ZNF121: variants seen among roughly 807,000 people sequenced by gnomAD.
ZNF121 encodes the protein zinc finger protein 121 (clone ZHC32).
A neutral mutation model predicts 2.4 loss-of-function variants in ZNF121; 1 was observed. The ratio of observed to expected loss-of-function variants is 0.41; its 90% confidence interval spans 0.15 to 1.94. The LOEUF is 1.94. Among genes scored for constraint, ZNF121 ranks in the 30% most tolerant of loss-of-function variants. The probability of loss-of-function intolerance (pLI) is 0.30; values close to 1 mark genes in which losing one functional copy is unlikely to be tolerated. For missense variants in ZNF121, 369 were observed against 466.3 expected (o/e 0.79, Z 1.92); for synonymous variants, 173 against 158.6 (o/e 1.09, Z -0.68).
chr19:9,582,194 G>A (rs2074252501), intron 1 of ZNF121, among the ~76,000 whole-genome samples: 1 of 152,194 alleles, frequency 6.6e-6, no homozygotes, highest in African/African-American at 2.4e-5. Flanking sequence ...CTGTGTCCCA[G>A]CTACTAGGTG....
intron 3 of ZNF121, 39 bp downstream of exon 3, chr19:9,568,056 C>CT (rs35536068): frequency 1.3e-6 from 2 of 1,532,196 alleles, no homozygotes; most frequent in South Asian, 1.2e-5. Flanking sequence ...GAATCCCAAT[C>CT]TTTTTTTGAG....
At chr19:9,577,658 C>T (rs927456303) in intron 1 of ZNF121, among the ~76,000 whole-genome samples, 3 of 151,970 alleles carry the variant, frequency 2.0e-5, no homozygotes, top group Admixed American at 6.6e-5. Flanking sequence ...TCTCAAAATA[C>T]CAGTGAAATT....
In ZNF121 at chr19:9,567,020, T is replaced by A. The variant is rs759583899; in HGVS notation, c.93A>T (p.Gly31=). ...SEHSCLNAHM[G]TENTGDTYDC... ...CATAAGTGTCCCCTGTATTTTCAGT[T>A]CCCATGTGTGCATTAAGGCATGAGT... The change falls in exon 4 of 4, where the codon GGA becomes GGT. Residue 31 remains glycine (G), a synonymous_variant. Transcript: ENST00000320451. The A allele has an allele frequency of 1.1e-5, 17 of 1,614,004 alleles. No individual in the cohort carries two copies. In the Admixed American group the frequency reaches 2.8e-4, roughly 27 times the overall value.
At chr19:9,577,522 A>AAAT in intron 1 of ZNF121, among the ~76,000 whole-genome samples, 1 of 152,244 alleles carries the variant, frequency 6.6e-6, no homozygotes, top group South Asian at 2.1e-4. Flanking sequence ...GGAAAACTAT[A>AAAT]AAACACTGAT....
intron 1 of ZNF121, among the ~76,000 whole-genome samples, chr19:9,570,481 G>C (rs1599737265): frequency 1.3e-5 from 2 of 152,232 alleles, no homozygotes; most frequent in South Asian, 4.1e-4. Context: ...CGTAATCCTT[G>C]AAAAGCTCTG....
rs1385050029 is a variant in ZNF121 at position 9,565,481 on chromosome 19, C to G, written c.*459G>C. On this transcript the variant is annotated 3_prime_UTR_variant, in exon 4 of 4. Coordinates refer to ENST00000320451, the MANE Select transcript of ZNF121 (RefSeq NM_001008727.5). ...GGTCAGGAGCTCGAGACCAGCCTGG[C>G]CAACATGGTGAAACCCCATCTCTAC... The G allele has an allele frequency of 6.7e-6, 1 of 150,176 alleles. No individual in the cohort carries two copies. 9.3% of individuals were successfully genotyped at this position (150,176 alleles called of 1,614,324 possible). A position where few individuals can be genotyped will look rare whatever the true frequency, so the allele number is the denominator to read the frequency against.
rs574911072 is a variant in ZNF121, at chr19:9,581,340, C to G, written c.-160+3121G>C. Reference sequence around the variant, plus strand: ...CTTTCCCTATTGGCCGGGGTCAGGTCGTACAATCTAAACTAATCCCGGTTG... The same window carrying G: ...CTTTCCCTATTGGCCGGGGTCAGGTGGTACAATCTAAACTAATCCCGGTTG... On this transcript the variant is annotated intron_variant, in intron 1 of 3. Coordinates refer to ENST00000320451, the MANE Select transcript of ZNF121 (RefSeq NM_001008727.5). Among the ~76,000 whole-genome samples the G allele has an allele frequency of 2.6e-5, 4 of 151,942 alleles. No individual in the cohort carries two copies. The South Asian group carries it at 8.3e-4, about 32-fold the overall frequency.
At chr19:9,568,423 T>C (rs1385805900) in intron 2 of ZNF121, among the ~76,000 whole-genome samples, 2 of 151,948 alleles carry the variant, frequency 1.3e-5, no homozygotes, top group Non-Finnish European at 2.9e-5. Context: ...ACTGGAGTGC[T>C]GGAGTGCAGT....
rs1315738119 is a variant in ZNF121, at chr19:9,560,348, ATT to A, written c.*5590_*5591del. The A allele has an allele frequency of 6.6e-6, 1 of 152,176 alleles. No homozygotes were observed. The highest frequency in any genetic ancestry group is 2.4e-5 in the African/African-American group (1 of 41,458). 9.4% of individuals were successfully genotyped at this position (152,176 alleles called of 1,614,324 possible). A position where few individuals can be genotyped will look rare whatever the true frequency, so the allele number is the denominator to read the frequency against. ...AGTAACTTCTTTTATTACAATTTTT[ATT>A]GTGATAAAAACACATAAAATTTACC... On this transcript the variant is annotated 3_prime_UTR_variant, in exon 4 of 4. Coordinates refer to ENST00000320451, the MANE Select transcript of ZNF121 (RefSeq NM_001008727.5).
At chr19:9,575,957 T>C (rs764410740) in intron 1 of ZNF121, among the ~76,000 whole-genome samples, 1 of 151,960 alleles carries the variant, frequency 6.6e-6, no homozygotes, top group Non-Finnish European at 1.5e-5. Flanking sequence ...ATCATCCAGC[T>C]AGAAAATCAA....
chr19:9,574,651 C>T lies in ZNF121; in HGVS notation c.-159-5569G>A, dbSNP rs139338216. Reference sequence around the variant, plus strand: ...GATTGGCTTAGAACTTTTTAAAAGGCGTAAAGGCAGAGGAGAAGAAAGGAA... The same window carrying T: ...GATTGGCTTAGAACTTTTTAAAAGGTGTAAAGGCAGAGGAGAAGAAAGGAA... On this transcript the variant is annotated intron_variant, in intron 1 of 3. Coordinates refer to ENST00000320451, the MANE Select transcript of ZNF121 (RefSeq NM_001008727.5). 1.6e-3 allele frequency among the ~76,000 whole-genome samples: 250 copies of T among 152,072 alleles called. 1 individual carries two copies. Among genetic ancestry groups the T allele is most frequent in the African/African-American group, 5.0e-3 (206 of 41,474 alleles).
At chr19:9,575,180 G>A (rs1287750213) in intron 1 of ZNF121, among the ~76,000 whole-genome samples, 2 of 152,198 alleles carry the variant, frequency 1.3e-5, no homozygotes, top group South Asian at 2.1e-4. Context: ...AACACTTTGG[G>A]AGGCTGAGGT....
intron 1 of ZNF121, among the ~76,000 whole-genome samples, chr19:9,582,104 G>C (rs374719977): frequency 4.6e-5 from 7 of 152,080 alleles, no homozygotes; most frequent in African/African-American, 1.2e-4. Context: ...TCAGGATTTC[G>C]AGACCAGCCT....
rs899072882 is a variant in ZNF121, at chr19:9,565,660, ACT to A, written c.*278_*279del. The stretch of plus-strand genomic sequence containing the variant: ...CAGCCTGTGTGATGACAACAGCAAA[ACT>A]CTGTCTCAAATAAAATAAAATAAAA... On this transcript the variant is annotated 3_prime_UTR_variant, in exon 4 of 4. Coordinates refer to ENST00000320451, the MANE Select transcript of ZNF121 (RefSeq NM_001008727.5). The A allele has an allele frequency of 2.0e-5, 3 of 149,302 alleles. No individual in the cohort carries two copies. The South Asian group carries it at 6.2e-4, about 31-fold the overall frequency. 9.2% of individuals were successfully genotyped at this position (149,302 alleles called of 1,614,324 possible).
intron 1 of ZNF121, among the ~76,000 whole-genome samples, chr19:9,571,490 A>G (rs1413011357): frequency 1.3e-5 from 2 of 152,158 alleles, no homozygotes; most frequent in African/African-American, 2.4e-5. Flanking sequence ...AATCAACATA[A>G]TTTCTGTCAC....
chr19:9,574,356 G>A (rs1047640757), intron 1 of ZNF121, among the ~76,000 whole-genome samples: 6 of 151,784 alleles, frequency 4.0e-5, no homozygotes, highest in Non-Finnish European at 7.4e-5. Context: ...GGTTTTCATC[G>A]TGTTAGTCAG....
chr19:9,569,628 T>G (rs2074158647), intron 1 of ZNF121, among the ~76,000 whole-genome samples: 1 of 150,018 alleles, frequency 6.7e-6, no homozygotes, highest in Non-Finnish European at 1.5e-5. Context: ...ACCTCCCAGG[T>G]TCAAGTGATT....
intron 1 of ZNF121, among the ~76,000 whole-genome samples, chr19:9,582,187 T>C (rs1320166380): frequency 6.6e-6 from 1 of 152,214 alleles, no homozygotes; most frequent in Admixed American, 6.5e-5. Flanking sequence ...CATGTGCCTG[T>C]GTCCCAGCTA....
At chr19:9,581,402 G>A (rs182384289) in intron 1 of ZNF121, among the ~76,000 whole-genome samples, 24 of 152,164 alleles carry the variant, frequency 1.6e-4, no homozygotes, top group East Asian at 1.2e-3. Context: ...GGGTGGGCAC[G>A]TAGAAGAAAA....
Sources: allele counts gnomAD v4.1 joint callset (sites outside exome capture counted in the v4.1 genomes callset), GRCh38; gene constraint gnomAD v4.1.1; transcripts MANE v1.5; gene names NCBI Gene and HGNC (gene_info 2026-07-23, HGNC 2026-07-21).